VNN1: variants seen among roughly 807,000 people sequenced by gnomAD.
VNN1 encodes the protein pantetheinase.
Under a neutral mutation model 41.9 loss-of-function variants are expected in VNN1, and 29 were observed. The observed-to-expected ratio is 0.69, with a 90% CI of 0.52 to 0.94. The LOEUF (loss-of-function observed/expected upper bound fraction) is 0.94. Ranked by LOEUF, VNN1 falls within the 40% of genes least tolerant of loss-of-function variation. VNN1 has a pLI of 0.00. For synonymous variants in VNN1, 233 were observed against 224.4 expected, an observed-to-expected ratio of 1.04 and a Z score of -0.34; for missense variants, 637 against 621.1, an observed-to-expected ratio of 1.03 and a Z score of -0.27.
chr6:132,706,171 T>C (rs939498352), intron 2 of VNN1, among the ~76,000 whole-genome samples: 7 of 151,928 alleles, frequency 4.6e-5, no homozygotes, highest in African/African-American at 1.7e-4. Context: ...ATTCTGAAAT[T>C]TACGTGGAAA....
intron 2 of VNN1, chr6:132,699,529 A>G: frequency 6.1e-6 from 1 of 163,994 alleles, no homozygotes. Flanking sequence ...CAAGTGTTTA[A>G]CTGAATACTC....
chr6:132,711,072 C>G (rs375154445), intron 2 of VNN1, among the ~76,000 whole-genome samples: 3 of 152,118 alleles, frequency 2.0e-5, no homozygotes, highest in Non-Finnish European at 4.4e-5. Context: ...TTCTAACTGG[C>G]GTTGTGCGGT....
chr6:132,702,408 G>A (rs1029448950), intron 2 of VNN1, among the ~76,000 whole-genome samples: 1 of 152,134 alleles, frequency 6.6e-6, no homozygotes, highest in African/African-American at 2.4e-5. Context: ...ACCAGTCCCT[G>A]GTGCCAAAAA....
chr6:132,702,589 C>G (rs77581542), intron 2 of VNN1, among the ~76,000 whole-genome samples: 11,528 of 152,186 alleles, frequency 0.076, 438 homozygotes, highest in East Asian at 0.11. Context: ...GGCAGCACAG[C>G]TCACAGCTTT....
chr6:132,691,995 C>T (rs1039684720), intron 5 of VNN1, among the ~76,000 whole-genome samples: 106 of 146,364 alleles, frequency 7.2e-4, no homozygotes, highest in African/African-American at 2.6e-3. Flanking sequence ...CAGAGTGAGA[C>T]TCTGTCTCAA....
chr6:132,692,963 T>C, intron 4 of VNN1, 61 bp downstream of exon 4: 1 of 1,323,898 alleles, frequency 7.6e-7, no homozygotes, highest in Admixed American at 2.6e-5. Flanking sequence ...GAAAAACATG[T>C]TTTTTTTTTC....
chr6:132,681,059 T>A lies in VNN1; in HGVS notation c.*2081A>T, dbSNP rs951979432. ...ATATTCACTATGATAGCATCCAAAA[T>A]GGCCCCCATGAAGCCCCACCTCCTG... On this transcript the variant is annotated 3_prime_UTR_variant, in exon 7 of 7. Coordinates refer to ENST00000367928, the MANE Select transcript of VNN1 (RefSeq NM_004666.3). Among the ~76,000 whole-genome samples, 3 of 152,158 alleles carry A rather than the reference T, an allele frequency of 2.0e-5. No individual in the cohort carries two copies. The highest frequency in any genetic ancestry group is 7.2e-5 in the African/African-American group (3 of 41,446).
rs957171184 is a variant in VNN1, at chr6:132,692,670, T to C, written c.827-86A>G. On this transcript the variant is annotated intron_variant, in intron 4 of 6. Coordinates refer to ENST00000367928, the MANE Select transcript of VNN1 (RefSeq NM_004666.3). ...TGTTATTACTATTTTAACCTCATAT[T>C]CACATTTTACTCTCTCTAAGTTATA... The C allele has an allele frequency of 3.4e-5, 50 of 1,453,614 alleles. 1 individual carries two copies. The highest frequency in any genetic ancestry group is 4.3e-5 in the South Asian group (3 of 69,068). 90.0% of individuals were successfully genotyped at this position (1,453,614 alleles called of 1,614,324 possible).
chr6:132,713,885 C>A lies in VNN1; in HGVS notation c.151G>T (p.Ala51Ser), dbSNP rs774587815. 6.2e-7 allele frequency: 1 copy of A among 1,613,814 alleles called. No individual in the cohort carries two copies. Among genetic ancestry groups the A allele is most frequent in the Non-Finnish European group, 8.5e-7 (1 of 1,180,020 alleles). Reference protein sequence around the residue: ...LTPVSREEALALMNRNLDILE... With the variant: ...LTPVSREEALSLMNRNLDILE... Reference sequence around the variant, plus strand: ...ATGTCCAGATTCCGATTCATTAATGCCAAAGCCTCCTCACGAGACACTGGT... The same window carrying A: ...ATGTCCAGATTCCGATTCATTAATGACAAAGCCTCCTCACGAGACACTGGT... The change falls in exon 1 of 7, where the codon GCA (alanine) becomes TCA (serine). Residue 51 changes from alanine (A) to serine (S), a missense_variant. Physicochemically the swap from Ala to Ser is moderately conservative, Grantham distance 99. Coordinates refer to ENST00000367928, the MANE Select transcript of VNN1 (RefSeq NM_004666.3).
At position 132,681,075 on chromosome 6, in the gene VNN1, C is replaced by G. The variant is rs1447609070; in HGVS notation, c.*2065G>C. 1.3e-5 allele frequency among the ~76,000 whole-genome samples: 2 copies of G among 152,058 alleles called. No homozygotes were observed. Among genetic ancestry groups the G allele is most frequent in the African/African-American group, 4.8e-5 (2 of 41,392 alleles). ...CATCCAAAATGGCCCCCATGAAGCC[C>G]CACCTCCTGATATTCTCAACTCTGT... On this transcript the variant is annotated 3_prime_UTR_variant, in exon 7 of 7. Transcript: ENST00000367928.
At chr6:132,687,404 A>G (rs1778224550) in intron 5 of VNN1, among the ~76,000 whole-genome samples, 1 of 152,236 alleles carries the variant, frequency 6.6e-6, no homozygotes, top group Non-Finnish European at 1.5e-5. Flanking sequence ...ACAAGCCCAA[A>G]ACAAGGAAGA....
chr6:132,698,515 A>G (rs112950417), intron 2 of VNN1, among the ~76,000 whole-genome samples: 3 of 152,234 alleles, frequency 2.0e-5, no homozygotes, highest in East Asian at 1.9e-4. Context: ...TGAAGAAACA[A>G]TGTGTGCACA....
At chr6:132,688,250 C>T (rs989378694) in intron 5 of VNN1, among the ~76,000 whole-genome samples, 3 of 152,098 alleles carry the variant, frequency 2.0e-5, no homozygotes, top group Admixed American at 1.3e-4. Context: ...TTTATTCAAG[C>T]TATTTAAGGT....
intron 2 of VNN1, among the ~76,000 whole-genome samples, chr6:132,710,687 G>C (rs1001226306): frequency 2.0e-5 from 3 of 152,102 alleles, no homozygotes; most frequent in Non-Finnish European, 4.4e-5. Flanking sequence ...CCATGTCCCT[G>C]CAAAGGACAT....
chr6:132,706,239 T>G (rs2114369351), intron 2 of VNN1, among the ~76,000 whole-genome samples: 1 of 152,208 alleles, frequency 6.6e-6, no homozygotes, highest in Admixed American at 6.5e-5. Context: ...GAAATCACAT[T>G]ACCTGACTTT....
chr6:132,683,192 C>G lies in VNN1; in HGVS notation c.1490G>C (p.Arg497Thr). The G allele has an allele frequency of 6.2e-7, 1 of 1,614,024 alleles. No individual in the cohort carries two copies. The highest frequency in any genetic ancestry group is 8.5e-7 in the Non-Finnish European group (1 of 1,179,960). The change falls in exon 7 of 7, where the codon AGA becomes ACA. Residue 497 changes from arginine to threonine, a missense_variant. By Grantham distance (71) the Arg-to-Thr change is moderately conservative (BLOSUM62 -1). Coordinates refer to ENST00000367928, the MANE Select transcript of VNN1 (RefSeq NM_004666.3). ...NASSGLTAQA[R>T]IIMLIVIAPI... ...TGCTATAACTATTAGCATTATTATT[C>G]TTGCTTGTGCTGTGAGGCCTGATGA...
At chr6:132,697,234 A>C (rs1038316724) in intron 2 of VNN1, among the ~76,000 whole-genome samples, 3 of 152,210 alleles carry the variant, frequency 2.0e-5, no homozygotes, top group Non-Finnish European at 2.9e-5. Context: ...TTTAGTAATA[A>C]ATAGGTACTA....
At chr6:132,705,261 CA>C (rs1778503159) in intron 2 of VNN1, among the ~76,000 whole-genome samples, 2 of 151,996 alleles carry the variant, frequency 1.3e-5, no homozygotes, top group African/African-American at 4.8e-5. Context: ...AACATTGATG[CA>C]AAAAAACCTC....
At chr6:132,702,751 TCTAGACATACA>T (rs1282006049) in intron 2 of VNN1, among the ~76,000 whole-genome samples, 1 of 152,194 alleles carries the variant, frequency 6.6e-6, no homozygotes, top group Admixed American at 6.5e-5. Flanking sequence ...TGATGATATT[TCTAGACATACA>T]CTAGGCTATA....
Sources: allele counts gnomAD v4.1 joint callset (sites outside exome capture counted in the v4.1 genomes callset), GRCh38; gene constraint gnomAD v4.1.1; transcripts MANE v1.5; gene names NCBI Gene and HGNC (gene_info 2026-07-23, HGNC 2026-07-21).